The following FAT3 variants were observed in gnomAD, a reference collection of about 807,000 sequenced individuals.
The protein encoded by FAT3 is FAT atypical cadherin 3.
FAT3 carries 95 observed loss-of-function variants against 310.2 expected under a neutral mutation model. The observed-to-expected ratio is 0.31, with a 90% confidence interval of 0.26 to 0.36. The LOEUF is 0.36. Among genes scored for constraint, FAT3 ranks in the 10% least tolerant of loss-of-function variants. The probability of loss-of-function intolerance (pLI) is 1.00; values close to 1 mark genes in which losing one functional copy is unlikely to be tolerated. For synonymous variants in FAT3, 2,314 were observed against 2,192.9 expected (o/e 1.06, Z -1.54); for missense variants, 5,408 against 5,715.6 (o/e 0.95, Z 1.74).
At chr11:92,707,942 A>G (rs765587459) in intron 4 of FAT3, among the ~76,000 whole-genome samples, 2 of 152,208 alleles carry the variant, frequency 1.3e-5, no homozygotes, top group Non-Finnish European at 2.9e-5. Flanking sequence ...AGGAAAAACT[A>G]CTTTGGCATG....
At chr11:92,654,271 A>G (rs1018334975) in intron 3 of FAT3, among the ~76,000 whole-genome samples, 1 of 152,206 alleles carries the variant, frequency 6.6e-6, no homozygotes, top group Non-Finnish European at 1.5e-5. Context: ...CAGTTTGGAA[A>G]TCAGAGAGAC....
chr11:92,516,657 A>G (rs1591390310), intron 2 of FAT3, among the ~76,000 whole-genome samples: 1 of 152,284 alleles, frequency 6.6e-6, no homozygotes, highest in East Asian at 1.9e-4. Flanking sequence ...GGCAAAAGAA[A>G]GAAGTAAAGG....
intron 1 of FAT3, among the ~76,000 whole-genome samples, chr11:92,345,206 G>A (rs2134599768): frequency 6.6e-6 from 1 of 152,088 alleles, no homozygotes; most frequent in South Asian, 2.1e-4. Flanking sequence ...AGAGTTAATG[G>A]TGTATGCTGA....
Position 92,789,962 on chromosome 11 carries a change from A to T in FAT3, c.4355A>T (p.Asp1452Val). ...AVTQVFIKVLDNNDNGPEFSQ... is the reference protein window; with the variant it reads ...AVTQVFIKVLVNNDNGPEFSQ... Reference sequence around the variant, plus strand: ...CTACAGGTATTTATCAAAGTGCTGGATAATAATGATAATGGCCCAGAATTC... The same window carrying T: ...CTACAGGTATTTATCAAAGTGCTGGTTAATAATGATAATGGCCCAGAATTC... The change falls in exon 8 of 28, where the codon GAT becomes GTT. Residue 1452 changes from aspartate (D) to valine (V), a missense_variant. Coordinates refer to ENST00000525166, the MANE Select transcript of FAT3 (RefSeq NM_001367949.2). The T allele has an allele frequency of 4.3e-6, 7 of 1,613,716 alleles. No homozygotes were observed. Among genetic ancestry groups the T allele is most frequent in the Non-Finnish European group, 5.9e-6 (7 of 1,179,680 alleles).
At chr11:92,287,472 G>T (rs2845876) in intron 1 of FAT3, among the ~76,000 whole-genome samples, 2 of 151,946 alleles carry the variant, frequency 1.3e-5, no homozygotes, top group African/African-American at 4.8e-5. Flanking sequence ...TCTACCTAAT[G>T]TACAGTATAA....
chr11:92,422,251 T>C (rs78157205), intron 2 of FAT3, among the ~76,000 whole-genome samples: 222 of 152,298 alleles, frequency 1.5e-3, no homozygotes, highest in African/African-American at 5.0e-3. Flanking sequence ...ATTTTTCTCC[T>C]TGTTCAAGTT....
At chr11:92,370,908 G>A (rs1311302250) in intron 2 of FAT3, among the ~76,000 whole-genome samples, 3 of 152,144 alleles carry the variant, frequency 2.0e-5, no homozygotes, top group Non-Finnish European at 4.4e-5. Context: ...ATATGTTCAA[G>A]AACCAGGATG....
At chr11:92,431,362 G>GT (rs1243611093) in intron 2 of FAT3, among the ~76,000 whole-genome samples, 4 of 151,882 alleles carry the variant, frequency 2.6e-5, no homozygotes, top group Admixed American at 6.6e-5. Context: ...GGGGTTGTTT[G>GT]TTTTTTTCTT....
chr11:92,721,805 A>G (rs1225236334), intron 4 of FAT3, among the ~76,000 whole-genome samples: 1 of 152,168 alleles, frequency 6.6e-6, no homozygotes, highest in African/African-American at 2.4e-5. Flanking sequence ...GATGAAAGGC[A>G]TATCTTATGT....
intron 3 of FAT3, among the ~76,000 whole-genome samples, chr11:92,640,085 A>AT (rs552788033): frequency 1.6e-4 from 24 of 151,626 alleles, no homozygotes; most frequent in Admixed American, 3.9e-4. Context: ...TAGTATTCTG[A>AT]TTTTTTTTGC....
intron 3 of FAT3, among the ~76,000 whole-genome samples, chr11:92,555,159 C>T (rs899466640): frequency 2.9e-4 from 44 of 152,136 alleles, no homozygotes; most frequent in Admixed American, 1.2e-3. Flanking sequence ...TTTGCAGGTA[C>T]TGCAAACCCA....
chr11:92,396,589 G>A (rs1245773009), intron 2 of FAT3, among the ~76,000 whole-genome samples: 1 of 152,204 alleles, frequency 6.6e-6, no homozygotes, highest in Admixed American at 6.5e-5. Context: ...CCGTGGAAGT[G>A]CAAGGCTGAG....
At chr11:92,550,932 A>G (rs1443428158) in intron 3 of FAT3, among the ~76,000 whole-genome samples, 1 of 151,848 alleles carries the variant, frequency 6.6e-6, no homozygotes, top group African/African-American at 2.4e-5. Context: ...TGGGTATTAA[A>G]TTTGATTTGG....
chr11:92,725,706 A>G (rs1031341213), intron 4 of FAT3, among the ~76,000 whole-genome samples: 2 of 152,206 alleles, frequency 1.3e-5, no homozygotes, highest in African/African-American at 4.8e-5. Context: ...AGTCCTAGGC[A>G]AGCTTCTTAG....
intron 1 of FAT3, among the ~76,000 whole-genome samples, chr11:92,246,765 A>G (rs965373555): frequency 6.6e-6 from 1 of 152,094 alleles, no homozygotes; most frequent in Non-Finnish European, 1.5e-5. Context: ...ATATATTAGA[A>G]CACATACATC....
chr11:92,880,650 A>G lies in FAT3; in HGVS notation c.12128-81A>G, dbSNP rs1949652792. The G allele has an allele frequency of 2.7e-6, 4 of 1,459,680 alleles. No homozygotes were observed. In the African/African-American group the frequency reaches 5.7e-5, roughly 21 times the overall value. The allele number at this position is 1,459,680 out of a possible 1,614,324, so 90.4% of individuals were successfully genotyped here. ...CTATTATACGGTTCAACAAAGAATT[A>G]GGAGGACATGTTATAGCTGAGTCCA... On this transcript the variant is annotated intron_variant, in intron 22 of 27. Transcript: ENST00000525166.
chr11:92,304,874 T>C (rs552356781), intron 1 of FAT3, among the ~76,000 whole-genome samples: 1 of 152,220 alleles, frequency 6.6e-6, no homozygotes, highest in Non-Finnish European at 1.5e-5. Flanking sequence ...TGCATCATGC[T>C]GGGTGAGGAT....
intron 3 of FAT3, among the ~76,000 whole-genome samples, chr11:92,594,997 A>G (rs1291197539): frequency 2.0e-5 from 3 of 149,342 alleles, no homozygotes; most frequent in Middle Eastern, 3.4e-3. Flanking sequence ...TCATGAATAA[A>G]TGTGTGTGTG....
intron 1 of FAT3, among the ~76,000 whole-genome samples, chr11:92,288,044 G>A (rs1946601626): frequency 6.6e-6 from 1 of 152,048 alleles, no homozygotes; most frequent in Admixed American, 6.6e-5. Flanking sequence ...TGGGAAATAA[G>A]ATAAATTGTG....
Sources: gnomAD v4.1 joint callset for allele counts (sites outside exome capture counted in the v4.1 genomes callset) on GRCh38, gnomAD v4.1.1 for gene constraint, MANE v1.5 for transcripts, NCBI Gene and HGNC (gene_info 2026-07-23, HGNC 2026-07-21) for gene names.